The following SP110 variants were observed in gnomAD, a reference collection of about 807,000 sequenced individuals.
SP110 encodes SP110 nuclear body protein.
Under a neutral mutation model 92.7 loss-of-function variants are expected in SP110, and 62 were observed. The observed-to-expected ratio is 0.67, with a 90% CI of 0.55 to 0.83. The LOEUF is 0.83. SP110 is among the 40% of genes least tolerant of loss of function. The pLI is 0.00. For missense variants in SP110, 793 were observed against 863.9 expected (o/e 0.92, Z 1.03); for synonymous variants, 273 against 305.3 (o/e 0.89, Z 1.10).
chr2:230,215,081 G>T lies in SP110; in HGVS notation c.185C>A (p.Ser62Tyr). 2 of 1,613,856 alleles carry T rather than the reference G, an allele frequency of 1.2e-6. No individual in the cohort carries two copies. Among genetic ancestry groups the T allele is most frequent in the Non-Finnish European group, 1.7e-6 (2 of 1,179,780 alleles). Reference protein sequence around the residue: ...LEACRNLIPVSRVVHNILTQL... With the variant: ...LEACRNLIPVYRVVHNILTQL... ...GGTGAGAATGTTGTGCACCACTCTG[G>T]ATACAGGGATCAAATTTCTACAGGC... Residue 62 changes from serine to tyrosine, a missense_variant, in exon 3 of 19, where the codon TCC (serine) becomes TAC (tyrosine). Ser to Tyr is a moderately radical substitution (Grantham distance 144). Transcript: ENST00000258381.
At chr2:230,175,350 T>TTAGAC (rs2041810545) in intron 14 of SP110, among the ~76,000 whole-genome samples, 1 of 151,806 alleles carries the variant, frequency 6.6e-6, no homozygotes, top group African/African-American at 2.4e-5. Flanking sequence ...TAAACAAATA[T>TTAGAC]CTATATCAAA....
upstream of SP110, among the ~76,000 whole-genome samples, chr2:230,223,262 C>G (rs1230462153): frequency 6.6e-6 from 1 of 152,138 alleles, no homozygotes; most frequent in Non-Finnish European, 1.5e-5. Flanking sequence ...GTCTTGATCT[C>G]CTGACCTCGT....
At chr2:230,218,006 G>C (rs2148960903) in intron 1 of SP110, among the ~76,000 whole-genome samples, 1 of 152,326 alleles carries the variant, frequency 6.6e-6, no homozygotes, top group Non-Finnish European at 1.5e-5. Context: ...TCATGTCTCA[G>C]ACATGCGCCT....
At chr2:230,171,200 C>T (rs1246218084) in intron 17 of SP110, among the ~76,000 whole-genome samples, 1 of 152,210 alleles carries the variant, frequency 6.6e-6, no homozygotes, top group African/African-American at 2.4e-5. Flanking sequence ...TCAAGCGATT[C>T]TCCTGCCTCA....
At chr2:230,202,942 C>G in intron 8 of SP110, 1 of 594,930 alleles carries the variant, frequency 1.7e-6, no homozygotes, top group Admixed American at 2.8e-5. Flanking sequence ...CATCTGCTTT[C>G]ACTCCTGGTA....
chr2:230,170,393 T>G (rs1018027451), intron 18 of SP110, among the ~76,000 whole-genome samples: 4 of 152,058 alleles, frequency 2.6e-5, no homozygotes, highest in Non-Finnish European at 4.4e-5. Flanking sequence ...CAGAGCATGG[T>G]TTTTTTCAGC....
chr2:230,187,245 G>C (rs2042401599), intron 10 of SP110, among the ~76,000 whole-genome samples: 1 of 152,064 alleles, frequency 6.6e-6, no homozygotes. Flanking sequence ...TCATTTCCCT[G>C]ATGATTAGTG....
chr2:230,203,532 G>C (rs1287172966), intron 8 of SP110: 1 of 152,254 alleles, frequency 6.6e-6, no homozygotes, highest in Non-Finnish European at 1.5e-5. Flanking sequence ...AGGGCTGGCG[G>C]GAAGTTCAAA....
At chr2:230,218,124 A>C (rs1310854361) in intron 1 of SP110, among the ~76,000 whole-genome samples, 1 of 152,258 alleles carries the variant, frequency 6.6e-6, no homozygotes, top group Non-Finnish European at 1.5e-5. Flanking sequence ...TTCTTGACAA[A>C]TTGTCAAGAA....
chr2:230,223,412 T>C (rs1408062275), upstream of SP110, among the ~76,000 whole-genome samples: 4 of 152,188 alleles, frequency 2.6e-5, no homozygotes, highest in Non-Finnish European at 5.9e-5. Context: ...AGTGAGTCAA[T>C]ATAACCTGCC....
upstream of SP110, chr2:230,221,919 G>A (rs1457699158): frequency 4.6e-5 from 28 of 609,778 alleles, no homozygotes; most frequent in Non-Finnish European, 8.2e-5. Flanking sequence ...GATGAAAGAT[G>A]TTTATTCTAA....
At chr2:230,213,755 C>T (rs2044762340) in intron 3 of SP110, 1 of 152,758 alleles carries the variant, frequency 6.5e-6, no homozygotes, top group Admixed American at 6.5e-5. Context: ...CGGAAGATGA[C>T]TGAAGCTCAG....
At chr2:230,201,859 A>AGT (rs2043213975) in intron 9 of SP110, among the ~76,000 whole-genome samples, 1 of 152,236 alleles carries the variant, frequency 6.6e-6, no homozygotes, top group South Asian at 2.1e-4. Context: ...ACTAATATTT[A>AGT]AGAAACTATC....
chr2:230,184,203 T>G (rs545871271), intron 11 of SP110, among the ~76,000 whole-genome samples: 2 of 152,332 alleles, frequency 1.3e-5, no homozygotes, highest in South Asian at 4.1e-4. Context: ...AACTTTCCAT[T>G]TAATATTTTC....
At chr2:230,191,125 G>A (rs952172468) in intron 10 of SP110, among the ~76,000 whole-genome samples, 1 of 151,974 alleles carries the variant, frequency 6.6e-6, no homozygotes, top group African/African-American at 2.4e-5. Context: ...AGAATCTCTG[G>A]GACACAGCTA....
chr2:230,191,870 A>C (rs1164564722), intron 10 of SP110, among the ~76,000 whole-genome samples: 2 of 152,182 alleles, frequency 1.3e-5, no homozygotes, highest in Non-Finnish European at 2.9e-5. Flanking sequence ...GATGAACATC[A>C]ATACGAAAAT....
At position 230,212,132 on chromosome 2, in the gene SP110, G is replaced by A. The variant is rs146402615; in HGVS notation, c.667+215C>T. On this transcript the variant is annotated intron_variant, in intron 5 of 18. Transcript: ENST00000258381. ...AATCAGCTAAGGGTCACTAGTGTGAGTGTTACGCAGGTTACTTGTCAATTC... is the reference window on the plus strand; with the variant it reads ...AATCAGCTAAGGGTCACTAGTGTGAATGTTACGCAGGTTACTTGTCAATTC... 1.1e-4 allele frequency among the ~76,000 whole-genome samples: 16 copies of A among 152,360 alleles called. No individual in the cohort carries two copies. In the East Asian group the frequency reaches 3.1e-3, roughly 29 times the overall value.
chr2:230,189,990 G>C (rs2042538147), intron 10 of SP110, among the ~76,000 whole-genome samples: 1 of 152,096 alleles, frequency 6.6e-6, no homozygotes, highest in Non-Finnish European at 1.5e-5. Context: ...TCTTTGCTAT[G>C]GTAAATACTG....
chr2:230,202,178 C>A (rs1183149064), intron 9 of SP110, among the ~76,000 whole-genome samples: 1 of 152,096 alleles, frequency 6.6e-6, no homozygotes, highest in Non-Finnish European at 1.5e-5. Flanking sequence ...TGTTAACAGG[C>A]AATTGGTTTA....
Sources: gnomAD v4.1 joint callset for allele counts (sites outside exome capture counted in the v4.1 genomes callset) on GRCh38, gnomAD v4.1.1 for gene constraint, MANE v1.5 for transcripts, NCBI Gene and HGNC (gene_info 2026-07-23, HGNC 2026-07-21) for gene names.